SPOCK1: variants seen among roughly 807,000 people sequenced by gnomAD.
The protein encoded by SPOCK1 is SPARC (osteonectin), cwcv and kazal like domains proteoglycan 1.
A neutral mutation model predicts 55.3 loss-of-function variants in SPOCK1; 23 were observed. The ratio of observed to expected loss-of-function variants is 0.42; its 90% CI spans 0.30 to 0.59. The LOEUF is 0.59. SPOCK1 is among the 20% of genes least tolerant of loss of function. The probability of loss-of-function intolerance (pLI) is 0.22; values close to 1 mark genes in which losing one functional copy is unlikely to be tolerated. For missense variants in SPOCK1, 499 were observed against 552.5 expected, an observed-to-expected ratio of 0.90 and a Z score of 0.97; for synonymous variants, 226 against 221.0, an observed-to-expected ratio of 1.02 and a Z score of -0.20.
intron 4 of SPOCK1, among the ~76,000 whole-genome samples, chr5:137,135,496 A>G: frequency 6.6e-6 from 1 of 152,258 alleles, no homozygotes. Flanking sequence ...CAGGAAGAAT[A>G]GCACAAGGTT....
At chr5:137,346,316 C>G (rs1048418136) in intron 2 of SPOCK1, among the ~76,000 whole-genome samples, 1 of 152,156 alleles carries the variant, frequency 6.6e-6, no homozygotes, top group Non-Finnish European at 1.5e-5. Flanking sequence ...GTTTGCTCCC[C>G]CTCCTTCCCT....
intron 2 of SPOCK1, among the ~76,000 whole-genome samples, chr5:137,379,678 C>T (rs1751417964): frequency 6.6e-6 from 1 of 152,140 alleles, no homozygotes; most frequent in African/African-American, 2.4e-5. Flanking sequence ...ACTTAACAGC[C>T]ATAAATCACA....
chr5:137,456,437 C>T (rs10515495), intron 2 of SPOCK1, among the ~76,000 whole-genome samples: 22,907 of 152,128 alleles, frequency 0.15, 2,214 homozygotes, highest in Admixed American at 0.28. Flanking sequence ...GAAATGTGCC[C>T]TTTATAACTT....
chr5:137,258,510 A>C (rs894807320), intron 3 of SPOCK1, among the ~76,000 whole-genome samples: 1 of 152,250 alleles, frequency 6.6e-6, no homozygotes, highest in East Asian at 1.9e-4. Context: ...ACATTCTCAA[A>C]TGAGAAAAAT....
At chr5:137,123,656 T>C (rs1753725784) in intron 4 of SPOCK1, among the ~76,000 whole-genome samples, 1 of 152,194 alleles carries the variant, frequency 6.6e-6, no homozygotes, top group South Asian at 2.1e-4. Flanking sequence ...CTAAGGAAGA[T>C]AACCCAAACA....
At chr5:137,409,849 CA>C (rs1300423781) in intron 2 of SPOCK1, among the ~76,000 whole-genome samples, 2 of 152,186 alleles carry the variant, frequency 1.3e-5, no homozygotes, top group African/African-American at 4.8e-5. Context: ...AAGTGCTGAG[CA>C]AAATAGACAT....
chr5:136,975,742 G>A lies in SPOCK1; in HGVS notation c.*2912C>T, dbSNP rs1315437009. 6.6e-6 allele frequency: 1 copy of A among 152,164 alleles called. No individual in the cohort carries two copies. Among genetic ancestry groups the A allele is most frequent in the Admixed American group, 6.5e-5 (1 of 15,278 alleles). The allele number at this position is 152,164 out of a possible 1,614,324, so 9.4% of individuals were successfully genotyped here. A position where few individuals can be genotyped will look rare whatever the true frequency, so the allele number is the denominator to read the frequency against. On this transcript the variant is annotated 3_prime_UTR_variant, in exon 11 of 11. Transcript: ENST00000394945. ...AAATGGGCGTAAAGGAGGAGAAACAGATACAAAATCTCCAACTCAGTATTA... is the reference window on the plus strand; with the variant it reads ...AAATGGGCGTAAAGGAGGAGAAACAAATACAAAATCTCCAACTCAGTATTA...
chr5:137,030,359 G>C (rs2126985233), intron 6 of SPOCK1, among the ~76,000 whole-genome samples: 1 of 152,352 alleles, frequency 6.6e-6, no homozygotes, highest in South Asian at 2.1e-4. Flanking sequence ...ACAGCTTAAT[G>C]AACCATTAGT....
chr5:137,109,940 C>A (rs1005363037), intron 5 of SPOCK1, among the ~76,000 whole-genome samples: 1 of 152,180 alleles, frequency 6.6e-6, no homozygotes, highest in African/African-American at 2.4e-5. Flanking sequence ...GTGTTCCCTA[C>A]CAGATGGTAA....
intron 5 of SPOCK1, among the ~76,000 whole-genome samples, chr5:137,110,958 T>C (rs888204996): frequency 6.6e-6 from 1 of 152,152 alleles, no homozygotes; most frequent in Non-Finnish European, 1.5e-5. Context: ...CTTTCCTGTT[T>C]GTAAGAAGCA....
At chr5:136,990,620 A>G (rs953888429) in intron 7 of SPOCK1, among the ~76,000 whole-genome samples, 1 of 139,282 alleles carries the variant, frequency 7.2e-6, no homozygotes, top group Non-Finnish European at 1.5e-5. Context: ...GAATGTCATG[A>G]TTGTCAATAG....
intron 5 of SPOCK1, among the ~76,000 whole-genome samples, chr5:137,098,359 A>C (rs934370772): frequency 3.9e-5 from 6 of 152,204 alleles, no homozygotes; most frequent in African/African-American, 9.7e-5. Context: ...CTGACCTGTG[A>C]AACTATCTAC....
chr5:137,148,322 T>C (rs1469736367), intron 3 of SPOCK1, among the ~76,000 whole-genome samples: 1 of 152,198 alleles, frequency 6.6e-6, no homozygotes, highest in Admixed American at 6.5e-5. Context: ...CCCAACATGG[T>C]AATTTACATG....
At chr5:137,473,879 G>A (rs887192612) in intron 2 of SPOCK1, among the ~76,000 whole-genome samples, 2 of 152,174 alleles carry the variant, frequency 1.3e-5, no homozygotes, top group African/African-American at 2.4e-5. Flanking sequence ...AGAAACTGTG[G>A]TGTATATATA....
At chr5:137,362,501 T>C (rs1017274131) in intron 2 of SPOCK1, among the ~76,000 whole-genome samples, 3 of 150,580 alleles carry the variant, frequency 2.0e-5, no homozygotes, top group African/African-American at 4.9e-5. Context: ...GGCTAATTTC[T>C]TTTTTTTTAG....
At chr5:137,359,595 G>A (rs1029274464) in intron 2 of SPOCK1, among the ~76,000 whole-genome samples, 1 of 152,174 alleles carries the variant, frequency 6.6e-6, no homozygotes, top group African/African-American at 2.4e-5. Context: ...TTTTACAAAG[G>A]TAAAGAAATG....
chr5:137,142,047 A>G (rs1266989219), intron 3 of SPOCK1, among the ~76,000 whole-genome samples: 1 of 152,204 alleles, frequency 6.6e-6, no homozygotes, highest in Non-Finnish European at 1.5e-5. Context: ...GCCATCTTCA[A>G]GCTCTGGGGC....
intron 2 of SPOCK1, among the ~76,000 whole-genome samples, chr5:137,407,771 T>G (rs931712599): frequency 9.9e-5 from 15 of 152,142 alleles, no homozygotes; most frequent in African/African-American, 3.4e-4. Flanking sequence ...CACAAGCCAC[T>G]GCGCACCTAT....
At chr5:137,460,227 C>T (rs1272918257) in intron 2 of SPOCK1, among the ~76,000 whole-genome samples, 1 of 152,112 alleles carries the variant, frequency 6.6e-6, no homozygotes, top group Non-Finnish European at 1.5e-5. Flanking sequence ...GGAGAATGAG[C>T]AATGGCTCAA....
Sources: allele counts gnomAD v4.1 joint callset (sites outside exome capture counted in the v4.1 genomes callset), GRCh38; gene constraint gnomAD v4.1.1; transcripts MANE v1.5; gene names NCBI Gene and HGNC (gene_info 2026-07-23, HGNC 2026-07-21).